Variants in NLRP14 observed in about 807,000 individuals in gnomAD.
NLRP14 encodes the protein NACHT, LRR and PYD domains-containing protein 14.
A neutral mutation model predicts 94.7 loss-of-function variants in NLRP14; 105 were observed. That is an observed-to-expected ratio of 1.11 (90% CI 0.95 to 1.30). The LOEUF (loss-of-function observed/expected upper bound fraction) is 1.30, where lower values mean the gene tolerates loss of function less well. NLRP14 is among the 50% of genes most tolerant of loss of function. NLRP14 has a pLI of 0.00. For missense variants in NLRP14, 1,362 were observed against 1,254.1 expected, an observed-to-expected ratio of 1.09 and a Z score of -1.30; for synonymous variants, 508 against 459.9, an observed-to-expected ratio of 1.10 and a Z score of -1.34.
chr11:7,090,516 G>A, the NLRP14 span: 1 of 636,588 alleles, frequency 1.6e-6, no homozygotes, highest in African/African-American at 1.8e-5. Context: ...CTTTCAACAA[G>A]CTCCTGTTAA....
intron 10 of NLRP14, among the ~76,000 whole-genome samples, chr11:7,068,612 C>G (rs188910433): frequency 6.6e-6 from 1 of 152,222 alleles, no homozygotes; most frequent in African/African-American, 2.4e-5. Context: ...TGCTACATGA[C>G]TTTTTAAACA....
At chr11:7,087,580 C>G in the NLRP14 span, among the ~76,000 whole-genome samples, 2 of 152,102 alleles carry the variant, frequency 1.3e-5, no homozygotes, top group Non-Finnish European at 2.9e-5. Flanking sequence ...TGGATATACA[C>G]ACGTAAAATT....
At chr11:7,080,730 T>C in the NLRP14 span, among the ~76,000 whole-genome samples, 3 of 152,276 alleles carry the variant, frequency 2.0e-5, no homozygotes, top group East Asian at 3.9e-4. Context: ...AAATAATATT[T>C]ATCACCAAGG....
chr11:7,090,039 C>T, the NLRP14 span: 3 of 1,613,080 alleles, frequency 1.9e-6, no homozygotes, highest in Admixed American at 1.7e-5. Context: ...AGGAGGAGGC[C>T]GCTACGAGGA....
At chr11:7,077,664 G>A in the NLRP14 span, among the ~76,000 whole-genome samples, 2 of 152,232 alleles carry the variant, frequency 1.3e-5, no homozygotes, top group South Asian at 2.1e-4. Context: ...CATGGCAGAA[G>A]GTGAAAGGCA....
At chr11:7,035,523 C>T (rs572883825) in intron 1 of NLRP14, among the ~76,000 whole-genome samples, 12 of 152,226 alleles carry the variant, frequency 7.9e-5, no homozygotes, top group South Asian at 6.2e-4. Flanking sequence ...ATATAACGCA[C>T]GTATAGTATC....
At chr11:7,025,010 G>T (rs1851995740) in intron 1 of NLRP14, among the ~76,000 whole-genome samples, 1 of 152,080 alleles carries the variant, frequency 6.6e-6, no homozygotes, top group Non-Finnish European at 1.5e-5. Context: ...GTTTATAAAA[G>T]TGAAGAAACA....
At chr11:7,035,161 A>C (rs528536382) in intron 1 of NLRP14, among the ~76,000 whole-genome samples, 222 of 151,882 alleles carry the variant, frequency 1.5e-3, no homozygotes, top group Admixed American at 2.7e-3. Context: ...TAAATAAATA[A>C]ATAAATAAAA....
chr11:7,063,874 C>T (rs1405541192), intron 10 of NLRP14, among the ~76,000 whole-genome samples: 1 of 152,002 alleles, frequency 6.6e-6, no homozygotes, highest in Non-Finnish European at 1.5e-5. Context: ...GCTTTAGAAC[C>T]CATACAAGGG....
intron 5 of NLRP14, among the ~76,000 whole-genome samples, chr11:7,048,380 C>T: frequency 6.6e-6 from 1 of 152,152 alleles, no homozygotes; most frequent in South Asian, 2.1e-4. Context: ...CCACTAGGAG[C>T]TGAAACTGAT....
chr11:7,045,621 A>G (rs186504258), intron 4 of NLRP14, among the ~76,000 whole-genome samples: 101 of 152,276 alleles, frequency 6.6e-4, no homozygotes, highest in African/African-American at 2.4e-3. Context: ...TAAGACCTCA[A>G]GTGATATAGA....
At chr11:7,076,113 A>C (rs970382683), downstream of NLRP14, among the ~76,000 whole-genome samples, 2 of 152,150 alleles carry the variant, frequency 1.3e-5, no homozygotes, top group African/African-American at 4.8e-5. Context: ...GTCAAATGAA[A>C]ATTTTGATAT....
chr11:7,062,390 G>A lies in NLRP14; in HGVS notation c.2862G>A (p.Leu954=). The A allele has an allele frequency of 6.2e-7, 1 of 1,613,016 alleles. No individual in the cohort carries two copies. Among genetic ancestry groups the A allele is most frequent in the Middle Eastern group, 1.7e-4 (1 of 6,056 alleles). ...GTCTGGATCTGGCTTCTGTTATTTT[G>A]AATAACCCAAACCTGAGGAGCCTGG... ...ACCLDLASVI[L]NNPNLRSLDL... is the part of the protein sequence containing the mutation. The change falls in exon 10 of 12, where the codon TTG becomes TTA. Residue 954 remains leucine, a synonymous_variant. Coordinates refer to ENST00000299481, the MANE Select transcript of NLRP14 (RefSeq NM_176822.4).
chr11:7,047,439 G>T (rs1382482494), intron 5 of NLRP14, among the ~76,000 whole-genome samples: 1 of 152,040 alleles, frequency 6.6e-6, no homozygotes, highest in Non-Finnish European at 1.5e-5. Context: ...AAGTAGCTGG[G>T]ATTACAGGCA....
chr11:7,041,139 G>T (rs1589861054), intron 3 of NLRP14, among the ~76,000 whole-genome samples: 1 of 152,064 alleles, frequency 6.6e-6, no homozygotes, highest in Admixed American at 6.5e-5. Flanking sequence ...TTCGTGGTAG[G>T]TTTTAATTTT....
rs1336801189 is a variant in NLRP14 at position 7,071,108 on chromosome 11, C to T, written c.3147-65C>T. 2.5e-6 allele frequency: 4 copies of T among 1,573,336 alleles called. No individual in the cohort carries two copies. In the East Asian group the frequency reaches 9.0e-5, roughly 35 times the overall value. On this transcript the variant is annotated intron_variant, in intron 11 of 11. Coordinates refer to ENST00000299481, the MANE Select transcript of NLRP14 (RefSeq NM_176822.4). ...TTTTTCTCCTGAAATAAATCCTTTA[C>T]AGAGAAAGTGGAGGGCTGTAGGGAA...
intron 1 of NLRP14, among the ~76,000 whole-genome samples, chr11:7,032,817 A>G (rs1354481658): frequency 6.6e-6 from 1 of 152,178 alleles, no homozygotes; most frequent in African/African-American, 2.4e-5. Flanking sequence ...TTTCAAGACA[A>G]TATTTTAGTG....
At chr11:7,057,621 G>T (rs902369869) in intron 6 of NLRP14, 56 bp from the exon 7 acceptor site, 30 of 1,512,692 alleles carry the variant, frequency 2.0e-5, no homozygotes, top group African/African-American at 4.1e-5. Context: ...GGTAGGTGTT[G>T]GTTGTAATTA....
the NLRP14 span, among the ~76,000 whole-genome samples, chr11:7,083,185 T>C: frequency 3.3e-5 from 5 of 152,252 alleles, no homozygotes; most frequent in African/African-American, 1.2e-4. Flanking sequence ...ATCTAGGAGA[T>C]GCTTGTCTCC....
Sources: gnomAD v4.1 joint callset for allele counts (sites outside exome capture counted in the v4.1 genomes callset) on GRCh38, gnomAD v4.1.1 for gene constraint, MANE v1.5 for transcripts, NCBI Gene and HGNC (gene_info 2026-07-23, HGNC 2026-07-21) for gene names.